Variants in ZFP91 observed in about 807,000 individuals in gnomAD.
The protein encoded by ZFP91 is E3 ubiquitin-protein ligase ZFP91.
ZFP91 carries 7 observed loss-of-function variants against 63.5 expected under a neutral mutation model. The observed-to-expected ratio is 0.11, with a 90% confidence interval of 0.06 to 0.21. The LOEUF (loss-of-function observed/expected upper bound fraction) is 0.21. Ranked by LOEUF, ZFP91 falls within the 10% of genes least tolerant of loss-of-function variation. ZFP91 has a pLI of 1.00. For missense variants in ZFP91, 628 were observed against 736.6 expected (o/e 0.85, Z 1.71); for synonymous variants, 330 against 272.1 (o/e 1.21, Z -2.10).
At chr11:58,583,805 AAGT>A (rs1855158302) in intron 1 of ZFP91, among the ~76,000 whole-genome samples, 2 of 152,062 alleles carry the variant, frequency 1.3e-5, no homozygotes, top group African/African-American at 4.8e-5. Context: ...TATTGTTTCT[AAGT>A]AGAATAGATT....
chr11:58,609,269 CT>C (rs1357966852), intron 2 of ZFP91, among the ~76,000 whole-genome samples: 1 of 152,196 alleles, frequency 6.6e-6, no homozygotes, highest in Non-Finnish European at 1.5e-5. Flanking sequence ...TATAGGACAA[CT>C]GAAACAGAAT....
rs562756552 is a variant in ZFP91, at chr11:58,611,134, T to C, written c.722+80T>C. On this transcript the variant is annotated intron_variant, in intron 5 of 10. Coordinates refer to ENST00000316059, the MANE Select transcript of ZFP91 (RefSeq NM_053023.5). ...TGTTGCATGCTTTTATTTTATCTGTTGCCAAGCTAATGGGTATAGAATTAA... is the reference window on the plus strand; with the variant it reads ...TGTTGCATGCTTTTATTTTATCTGTCGCCAAGCTAATGGGTATAGAATTAA... The C allele has an allele frequency of 4.7e-6, 6 of 1,286,366 alleles. No individual in the cohort carries two copies. The African/African-American group carries it at 5.9e-5, about 13-fold the overall frequency. 79.7% of individuals were successfully genotyped at this position (1,286,366 alleles called of 1,614,324 possible). A position where few individuals can be genotyped will look rare whatever the true frequency, so the allele number is the denominator to read the frequency against.
At chr11:58,612,047 G>A in intron 6 of ZFP91, 3 of 560,104 alleles carry the variant, frequency 5.4e-6, no homozygotes, top group Admixed American at 3.5e-5. Flanking sequence ...GTATTGCATA[G>A]TTTATGGAAG....
chr11:58,617,214 T>C lies in ZFP91; in HGVS notation c.1221T>C (p.Phe407=). ...TCCTTAGATGTGAGATCTGTGGATTTACTTGTCGACAAAAGGCATCTCTTA... is the reference window on the plus strand; with the variant it reads ...TCCTTAGATGTGAGATCTGTGGATTCACTTGTCGACAAAAGGCATCTCTTA... ...EKPLQCEICG[F]TCRQKASLNW... The change falls in exon 11 of 11, where the codon TTT becomes TTC. Residue 407 remains phenylalanine, a synonymous_variant. Transcript: ENST00000316059. This position sits in a 1 kb window ranked among gnomAD's most constrained non-coding sequence, Gnocchi z 4.2. 1 of 1,596,094 alleles carries C rather than the reference T, an allele frequency of 6.3e-7. No individual in the cohort carries two copies. Among genetic ancestry groups the C allele is most frequent in the South Asian group, 1.1e-5 (1 of 87,824 alleles).
At chr11:58,597,813 C>T (rs1855427192) in intron 2 of ZFP91, among the ~76,000 whole-genome samples, 1 of 152,194 alleles carries the variant, frequency 6.6e-6, no homozygotes, top group Non-Finnish European at 1.5e-5. Context: ...CAGCTACACA[C>T]CTCAACCTTC....
Position 58,611,600 on chromosome 11 carries a change from T to C in ZFP91, c.723-4T>C, listed in dbSNP as rs573315009. The C allele has an allele frequency of 1.9e-6, 3 of 1,610,452 alleles. No individual in the cohort carries two copies. Among genetic ancestry groups the C allele is most frequent in the African/African-American group, 1.3e-5 (1 of 74,770 alleles). On this transcript the variant is annotated splice_polypyrimidine_tract_variant and splice_region_variant and intron_variant, in intron 5 of 10. Coordinates refer to ENST00000316059, the MANE Select transcript of ZFP91 (RefSeq NM_053023.5). Reference sequence around the variant, plus strand: ...CTAGTATTGAAATGCATTTGTGTTTTCAGGGAAACCCCAAAGCCACGGAGA... The same window carrying C: ...CTAGTATTGAAATGCATTTGTGTTTCCAGGGAAACCCCAAAGCCACGGAGA...
intron 2 of ZFP91, among the ~76,000 whole-genome samples, chr11:58,607,583 ACTG>A (rs1435391850): frequency 6.7e-6 from 1 of 149,198 alleles, no homozygotes; most frequent in Non-Finnish European, 1.5e-5. Flanking sequence ...AACTGTTCGC[ACTG>A]CTATTTATCT....
At chr11:58,595,572 CTT>C (rs34767843) in intron 2 of ZFP91, among the ~76,000 whole-genome samples, 21,243 of 136,708 alleles carry the variant, frequency 0.16, 1,558 homozygotes, top group Middle Eastern at 0.21. Context: ...TAGTATCAAT[CTT>C]TTTTTTTTTT....
rs1452184993 is a variant in ZFP91, at chr11:58,616,590, T to G, written c.1103-126T>G. The G allele has an allele frequency of 4.8e-6, 3 of 631,420 alleles. No individual in the cohort carries two copies. The African/African-American group carries it at 5.5e-5, about 12-fold the overall frequency. The allele number at this position is 631,420 out of a possible 1,614,324, so 39.1% of individuals were successfully genotyped here. The stretch of plus-strand genomic sequence containing the variant: ...TTTTAAATTTTGTTTACCCAAAGTG[T>G]TTATACATTGAAAACAGCATTGCTT... On this transcript the variant is annotated intron_variant, in intron 9 of 10. Transcript: ENST00000316059.
At chr11:58,590,310 C>T (rs907398863) in intron 2 of ZFP91, among the ~76,000 whole-genome samples, 1 of 152,182 alleles carries the variant, frequency 6.6e-6, no homozygotes, top group African/African-American at 2.4e-5. Context: ...TAATGCTATC[C>T]GGGCAAAGGC....
In ZFP91 at chr11:58,579,180, GCCGCAGGCTT is replaced by G; in HGVS notation, c.-100_-91del. 4.0e-6 allele frequency: 4 copies of G among 1,003,450 alleles called. No individual in the cohort carries two copies. Among genetic ancestry groups the G allele is most frequent in the Non-Finnish European group, 5.3e-6 (4 of 754,956 alleles). The allele number at this position is 1,003,450 out of a possible 1,614,324, so 62.2% of individuals were successfully genotyped here. A position where few individuals can be genotyped will look rare whatever the true frequency, so the allele number is the denominator to read the frequency against. On this transcript the variant is annotated 5_prime_UTR_variant, in exon 1 of 11. Coordinates refer to ENST00000316059, the MANE Select transcript of ZFP91 (RefSeq NM_053023.5). ...AAAGAGGAGCGCAGGGTGAGAGTGAGCCGCAGGCTTCGGGAGGCGAGGGGGCGGGGGGAGC... is the reference window on the plus strand; with the variant it reads ...AAAGAGGAGCGCAGGGTGAGAGTGAGCGGGAGGCGAGGGGGCGGGGGGAGC...
chr11:58,612,273 TAC>T lies in ZFP91; in HGVS notation c.858-3_858-2del. 1.2e-6 allele frequency: 2 copies of T among 1,613,558 alleles called. No individual in the cohort carries two copies. Among genetic ancestry groups the T allele is most frequent in the Non-Finnish European group, 1.7e-6 (2 of 1,179,660 alleles). ...TGTCTACTGTTACCCTGTCTTCAAT[TAC>T]AGGAGAGGAAGAAGACGAAAAGATG... On this transcript the variant is annotated splice_region_variant and splice_polypyrimidine_tract_variant and intron_variant, in intron 6 of 10. Transcript: ENST00000316059.
At chr11:58,610,123 T>C in intron 3 of ZFP91, 84 bp downstream of exon 3, 1 of 1,523,828 alleles carries the variant, frequency 6.6e-7, no homozygotes, top group Non-Finnish European at 9.0e-7. Flanking sequence ...TGTTAACAGC[T>C]TAACTGTCAG....
At chr11:58,584,388 C>T (rs940901776) in intron 1 of ZFP91, among the ~76,000 whole-genome samples, 1 of 152,034 alleles carries the variant, frequency 6.6e-6, no homozygotes, top group African/African-American at 2.4e-5. Context: ...TTGCTATGTC[C>T]ATCCTCCCTG....
intron 2 of ZFP91, among the ~76,000 whole-genome samples, chr11:58,593,789 C>A (rs1855349122): frequency 1.3e-5 from 2 of 152,136 alleles, no homozygotes; most frequent in South Asian, 4.1e-4. Context: ...AAACAAAAAA[C>A]CCTGATCTTT....
At chr11:58,612,193 GT>G in intron 6 of ZFP91, 84 bp from the exon 7 acceptor site, 6 of 1,232,848 alleles carry the variant, frequency 4.9e-6, no homozygotes, top group Non-Finnish European at 5.8e-6. Flanking sequence ...CTTTGGCCGT[GT>G]GTGTGTGTGT....
chr11:58,597,773 A>G (rs1485141326), intron 2 of ZFP91, among the ~76,000 whole-genome samples: 1 of 152,138 alleles, frequency 6.6e-6, no homozygotes, highest in Admixed American at 6.5e-5. Flanking sequence ...TTTATGTTGG[A>G]TTCATTTATC....
chr11:58,602,066 A>G (rs2515364), intron 2 of ZFP91, among the ~76,000 whole-genome samples: 74,439 of 151,690 alleles, frequency 0.49, 19,091 homozygotes, highest in African/African-American at 0.65. Flanking sequence ...GGGACTACAG[A>G]CACACGCCAC....
intron 2 of ZFP91, among the ~76,000 whole-genome samples, chr11:58,598,817 T>C (rs1251320006): frequency 2.0e-5 from 3 of 150,848 alleles, no homozygotes; most frequent in Non-Finnish European, 4.4e-5. Flanking sequence ...AACAAAAAAA[T>C]AGTAAAAAAT....
Sources: gnomAD v4.1 joint callset for allele counts (sites outside exome capture counted in the v4.1 genomes callset) on GRCh38, gnomAD v4.1.1 for gene constraint, Gnocchi (gnomAD v3.1) non-coding constraint, MANE v1.5 for transcripts, NCBI Gene and HGNC (gene_info 2026-07-23, HGNC 2026-07-21) for gene names.